TPD52: variants seen among roughly 807,000 people sequenced by gnomAD.
TPD52 encodes prostate and colon associated protein.
TPD52 carries 17 observed loss-of-function variants against 31.3 expected under a neutral mutation model. The ratio of observed to expected loss-of-function variants is 0.54; its 90% CI spans 0.37 to 0.82. The LOEUF is 0.82. Among genes scored for constraint, TPD52 ranks in the 40% least tolerant of loss-of-function variants. The probability of loss-of-function intolerance (pLI) is 0.00; values close to 1 mark genes in which losing one functional copy is unlikely to be tolerated. For synonymous variants in TPD52, 83 were observed against 89.6 expected (o/e 0.93, Z 0.42); for missense variants, 212 against 240.1 (o/e 0.88, Z 0.77).
intron 1 of TPD52, among the ~76,000 whole-genome samples, chr8:80,148,680 A>G (rs558056398): frequency 6.6e-6 from 1 of 152,316 alleles, no homozygotes; most frequent in Admixed American, 6.5e-5. Flanking sequence ...ATAAAAGCAC[A>G]TTCTCACTCT....
intron 1 of TPD52, among the ~76,000 whole-genome samples, chr8:80,093,980 C>T (rs1033501705): frequency 6.6e-6 from 1 of 152,156 alleles, no homozygotes; most frequent in Non-Finnish European, 1.5e-5. Flanking sequence ...AGACTGAAGA[C>T]ATGAGATTTT....
At chr8:80,170,339 C>G (rs1353234108) in intron 1 of TPD52, among the ~76,000 whole-genome samples, 1 of 152,084 alleles carries the variant, frequency 6.6e-6, no homozygotes, top group African/African-American at 2.4e-5. Context: ...TCACTTGAAC[C>G]AGGGAGGCAG....
chr8:80,053,192 C>G (rs1189294450), intron 3 of TPD52, 90 bp downstream of exon 3: 3 of 1,432,346 alleles, frequency 2.1e-6, no homozygotes, highest in Non-Finnish European at 2.8e-6. Flanking sequence ...GCTGAAGCAT[C>G]CTTATCCTCT....
At chr8:80,159,032 A>C (rs936082846) in intron 1 of TPD52, 1 of 151,890 alleles carries the variant, frequency 6.6e-6, no homozygotes, top group Non-Finnish European at 1.5e-5. Flanking sequence ...CTTATTGAGC[A>C]CTATGTCCAA....
intron 1 of TPD52, among the ~76,000 whole-genome samples, chr8:80,112,635 A>T (rs7011276): frequency 0.44 from 67,426 of 151,872 alleles, 15,427 homozygotes; most frequent in East Asian, 0.79. Flanking sequence ...TTCTTTGCTA[A>T]GGTAGAAAAA....
chr8:80,160,889 C>CAAAAAAAAAAAAAAAAAAAAAAAAAAAA (rs58923055), intron 1 of TPD52, among the ~76,000 whole-genome samples: 3 of 95,096 alleles, frequency 3.2e-5, no homozygotes, highest in African/African-American at 1.3e-4. Flanking sequence ...ACTAAAAATA[C>CAAAAAAAAAAAAAAAAAAAAAAAAAAAA]AAAAAAAAAA....
intron 1 of TPD52, among the ~76,000 whole-genome samples, chr8:80,121,728 T>C (rs116124263): frequency 0.022 from 3,346 of 152,274 alleles, 122 homozygotes; most frequent in African/African-American, 0.075. Flanking sequence ...CCTAACCAAG[T>C]GGCCTTCACG....
At chr8:80,141,887 G>A (rs113742116) in intron 1 of TPD52, among the ~76,000 whole-genome samples, 2,067 of 151,868 alleles carry the variant, frequency 0.014, 23 homozygotes, top group Middle Eastern at 0.02. Flanking sequence ...TCCAGCCTGG[G>A]CGACAGAGCC....
At chr8:80,082,349 T>A (rs147538387) in intron 1 of TPD52, among the ~76,000 whole-genome samples, 54 of 152,144 alleles carry the variant, frequency 3.5e-4, no homozygotes, top group African/African-American at 1.3e-3. Flanking sequence ...CTAGAAAGAG[T>A]ATGGTTCATG....
chr8:80,163,503 C>T (rs1811497127), intron 1 of TPD52, among the ~76,000 whole-genome samples: 2 of 152,112 alleles, frequency 1.3e-5, no homozygotes, highest in South Asian at 2.1e-4. Flanking sequence ...TCAATGAGTA[C>T]AGAGTTTTCA....
intron 1 of TPD52, among the ~76,000 whole-genome samples, chr8:80,136,534 A>G (rs1487819113): frequency 6.7e-6 from 1 of 149,674 alleles, no homozygotes; most frequent in African/African-American, 2.4e-5. Context: ...AAAAAAAAAA[A>G]AAAAAAAAAA....
intron 1 of TPD52, chr8:80,158,809 T>G (rs1025428707): frequency 2.0e-5 from 3 of 149,744 alleles, no homozygotes; most frequent in African/African-American, 7.4e-5. Context: ...CCGGGCGTAG[T>G]GGCGGGCGCC....
intron 1 of TPD52, among the ~76,000 whole-genome samples, chr8:80,090,779 C>T (rs1301184429): frequency 6.6e-6 from 1 of 151,526 alleles, no homozygotes; most frequent in Non-Finnish European, 1.5e-5. Flanking sequence ...CAGGCATATG[C>T]AAATTATTTG....
At chr8:80,058,945 A>G (rs1012956191) in intron 2 of TPD52, among the ~76,000 whole-genome samples, 17 of 152,250 alleles carry the variant, frequency 1.1e-4, no homozygotes, top group Non-Finnish European at 2.4e-4. Flanking sequence ...GACGACTTGA[A>G]CAATACCATA....
chr8:80,061,668 A>G (rs1201945968), intron 2 of TPD52, among the ~76,000 whole-genome samples: 1 of 152,212 alleles, frequency 6.6e-6, no homozygotes, highest in African/African-American at 2.4e-5. Flanking sequence ...TGGGTGACAG[A>G]GCAATACCTG....
chr8:80,167,346 C>T (rs1449736587), intron 1 of TPD52, among the ~76,000 whole-genome samples: 1 of 152,158 alleles, frequency 6.6e-6, no homozygotes, highest in Non-Finnish European at 1.5e-5. Flanking sequence ...TTTGGGTGTT[C>T]TTTTTGGTTT....
At chr8:80,139,072 C>T (rs952522390) in intron 1 of TPD52, among the ~76,000 whole-genome samples, 15 of 152,112 alleles carry the variant, frequency 9.9e-5, no homozygotes, top group African/African-American at 3.1e-4. Context: ...GACACTGCAG[C>T]CCCCACTTCC....
intron 1 of TPD52, among the ~76,000 whole-genome samples, chr8:80,127,826 ACACACACACACAG>A (rs3220417): frequency 8.9e-5 from 6 of 67,278 alleles, no homozygotes; most frequent in African/African-American, 2.4e-4. Context: ...ACACACACAC[ACACACACACACAG>A]AGATACATAA....
intron 6 of TPD52, among the ~76,000 whole-genome samples, chr8:80,043,347 C>T (rs1343741822): frequency 3.9e-5 from 6 of 152,074 alleles, no homozygotes; most frequent in Non-Finnish European, 2.9e-5. Context: ...CTCACAAAGG[C>T]GCTTTGGAAA....
Sources: gnomAD v4.1 joint callset for allele counts (sites outside exome capture counted in the v4.1 genomes callset) on GRCh38, gnomAD v4.1.1 for gene constraint, MANE v1.5 for transcripts, NCBI Gene and HGNC (gene_info 2026-07-23, HGNC 2026-07-21) for gene names.